Variants in ACTB observed in about 807,000 individuals in gnomAD.
ACTB encodes actin, cytoplasmic 1.
In ACTB, 2 loss-of-function variants were observed where a neutral mutation model predicts 30.5. The ratio of observed to expected loss-of-function variants is 0.07; its 90% CI spans 0.03 to 0.21. ACTB has a LOEUF of 0.21. Among genes scored for constraint, ACTB ranks in the 10% least tolerant of loss-of-function variants. The probability of loss-of-function intolerance (pLI) is 1.00; values close to 1 mark genes in which losing one functional copy is unlikely to be tolerated. For synonymous variants in ACTB, 335 were observed against 217.6 expected, an observed-to-expected ratio of 1.54 and a Z score of -4.75; for missense variants, 56 against 530.0, an observed-to-expected ratio of 0.11 and a Z score of 8.78.
Position 5,528,030 on chromosome 7 carries a change from G to A in ACTB, c.958C>T (p.Leu320=), listed in dbSNP as rs1447568601. Residue 320 remains leucine, a synonymous_variant, in exon 5 of 6, where the codon CTG becomes TTG. Coordinates refer to ENST00000646664, the MANE Select transcript of ACTB (RefSeq NM_001101.5). ...ADRMQKEITA[L]APSTMKIKII... is the part of the protein sequence containing the mutation. ...TTGATCTTCATTGTGCTGGGTGCCA[G>A]GGCAGTGATCTCCTTCTGCATCCTG... 6.2e-7 allele frequency: 1 copy of A among 1,614,200 alleles called. No individual in the cohort carries two copies. The highest frequency in any genetic ancestry group is 8.5e-7 in the Non-Finnish European group (1 of 1,180,038).
intron 3 of ACTB, 103 bp downstream of exon 3, chr7:5,529,058 T>A (rs762414570): frequency 1.9e-6 from 3 of 1,611,110 alleles, no homozygotes; most frequent in African/African-American, 2.7e-5. Flanking sequence ...GAGAAGAGAG[T>A]CCTACGGAAA....
rs149428488 is a variant in ACTB, at chr7:5,528,223, C to T, written c.803-38G>A. ...TGAGGGCAGGACTTAGCTTCCACAG[C>T]ACAGCCCCGAGGGGTAACCCTCATG... On this transcript the variant is annotated intron_variant, in intron 4 of 5. Coordinates refer to ENST00000646664, the MANE Select transcript of ACTB (RefSeq NM_001101.5). The T allele has an allele frequency of 1.4e-4, 232 of 1,613,868 alleles. 3 individuals are homozygous for T. The Middle Eastern group carries it at 6.1e-3, about 42-fold the overall frequency.
intron 3 of ACTB, 75 bp from the exon 4 acceptor site, chr7:5,528,794 A>G: frequency 6.5e-7 from 1 of 1,548,938 alleles, no homozygotes; most frequent in Non-Finnish European, 8.9e-7. Context: ...GGACATGCAG[A>G]AAGTGCAAAG....
rs13447398 is a variant in ACTB, at chr7:5,529,356, G to A, written c.168C>T (p.Asp56=). 502 of 1,614,052 alleles carry A rather than the reference G, an allele frequency of 3.1e-4. 1 individual carries two copies. The African/African-American group carries it at 4.8e-3, about 15-fold the overall frequency. The change falls in exon 3 of 6, where the codon GAC becomes GAT. Residue 56 remains aspartate, a synonymous_variant. Transcript: ENST00000646664. ...GMGQKDSYVG[D]EAQSKRGILT... ...GGATGCCTCTCTTGCTCTGGGCCTC[G>A]TCGCCCACATAGGAATCCTTCTGAC... is the stretch of plus-strand genomic sequence containing the variant.
At chr7:5,528,986 A>G in intron 3 of ACTB, 175 bp downstream of exon 3, 1 of 1,586,790 alleles carries the variant, frequency 6.3e-7, no homozygotes, top group Non-Finnish European at 8.6e-7. Flanking sequence ...AAACACCAGA[A>G]AAAGAGCTCA....
chr7:5,527,507 A>T lies in ACTB; in HGVS notation c.*241T>A. On this transcript the variant is annotated 3_prime_UTR_variant, in exon 6 of 6. Coordinates refer to ENST00000646664, the MANE Select transcript of ACTB (RefSeq NM_001101.5). ...GCATCTCATATTTGGAATGACTATT[A>T]AAAAAACAACAATGTGCAATCAAAG... 1 of 648,638 alleles carries T rather than the reference A, an allele frequency of 1.5e-6. No homozygotes were observed. The highest frequency in any genetic ancestry group is 2.6e-6 in the Non-Finnish European group (1 of 386,668). The allele number at this position is 648,638 out of a possible 1,614,324, so 40.2% of individuals were successfully genotyped here. A position where few individuals can be genotyped will look rare whatever the true frequency, so the allele number is the denominator to read the frequency against.
At chr7:5,528,893 A>G in intron 3 of ACTB, 174 bp from the exon 4 acceptor site, 1 of 1,424,852 alleles carries the variant, frequency 7.0e-7, no homozygotes, top group South Asian at 1.2e-5. Flanking sequence ...AGGCCGCTTT[A>G]CACCAGCCTC....
rs752744378 is a variant in ACTB, at chr7:5,529,311, G to A, written c.213C>T (p.Ile71=). Residue 71 remains isoleucine (I), a synonymous_variant, in exon 3 of 6, where the codon ATC becomes ATT. Transcript: ENST00000646664. ...CCCAGTTGGTGACGATGCCGTGCTC[G>A]ATGGGGTACTTCAGGGTGAGGATGC... ...KRGILTLKYP[I]EHGIVTNWDD... 10 of 1,613,936 alleles carry A rather than the reference G, an allele frequency of 6.2e-6. No homozygotes were observed. Among genetic ancestry groups the A allele is most frequent in the African/African-American group, 1.3e-5 (1 of 74,946 alleles).
In ACTB at chr7:5,527,909, C is replaced by T. The variant is rs1407820772; in HGVS notation, c.985-18G>A. 1 of 1,613,058 alleles carries T rather than the reference C, an allele frequency of 6.2e-7. No individual in the cohort carries two copies. The highest frequency in any genetic ancestry group is 1.1e-5 in the South Asian group (1 of 91,052). ...GCAATGATCTGAGGAGGGAAGGGGA[C>T]AGGCAGTGAGGACCCTGGATGTGAC... On this transcript the variant is annotated intron_variant, in intron 5 of 5. Coordinates refer to ENST00000646664, the MANE Select transcript of ACTB (RefSeq NM_001101.5).
rs762131422 is a variant in ACTB, at chr7:5,528,734, T to G, written c.364-15A>C. 6.2e-7 allele frequency: 1 copy of G among 1,612,400 alleles called. No homozygotes were observed. The highest frequency in any genetic ancestry group is 8.5e-7 in the Non-Finnish European group (1 of 1,179,218). On this transcript the variant is annotated splice_polypyrimidine_tract_variant and intron_variant, in intron 3 of 5. Transcript: ENST00000646664. ...TCAAACATGATCTGTAAGGCAGAGATACACCATGTCACACTGGGGAAGCCA... is the reference window on the plus strand; with the variant it reads ...TCAAACATGATCTGTAAGGCAGAGAGACACCATGTCACACTGGGGAAGCCA...
At position 5,527,459 on chromosome 7, in the gene ACTB, G is replaced by T. The variant is rs1207559049; in HGVS notation, c.*289C>A. ...AGAGAAGTGGGGTGGCTTTTAGGATGGCAAGGGACTTCCTGTAACAACGCA... is the reference window on the plus strand; with the variant it reads ...AGAGAAGTGGGGTGGCTTTTAGGATTGCAAGGGACTTCCTGTAACAACGCA... On this transcript the variant is annotated 3_prime_UTR_variant, in exon 6 of 6. Transcript: ENST00000646664. 9.8e-6 allele frequency: 5 copies of T among 508,806 alleles called. No individual in the cohort carries two copies. The highest frequency in any genetic ancestry group is 1.9e-5 in the African/African-American group (1 of 51,668). 31.5% of individuals were successfully genotyped at this position (508,806 alleles called of 1,614,324 possible). A position where few individuals can be genotyped will look rare whatever the true frequency, so the allele number is the denominator to read the frequency against.
At chr7:5,529,721 G>A (rs1158921278) in intron 1 of ACTB, 58 bp from the exon 2 acceptor site, 1 of 1,608,066 alleles carries the variant, frequency 6.2e-7, no homozygotes, top group Non-Finnish European at 8.5e-7. Flanking sequence ...GGCCACTTCC[G>A]GCGCGCCGAG....
Position 5,528,309 on chromosome 7 carries a change from A to G in ACTB, c.774T>C (p.Pro258=), listed in dbSNP as rs1253714549. Residue 258 remains proline, a synonymous_variant, in exon 4 of 6, where the codon CCT becomes CCC. Transcript: ENST00000646664. ...GGAAGGAAGGCTGGAAGAGTGCCTC[A>G]GGGCAGCGGAACCGCTCATTGCCAA... The part of the protein sequence containing the change: ...ITIGNERFRC[P]EALFQPSFLG... 1.3e-5 allele frequency: 21 copies of G among 1,614,220 alleles called. No homozygotes were observed. The highest frequency in any genetic ancestry group is 1.8e-5 in the Non-Finnish European group (21 of 1,180,046).
intron 3 of ACTB, 62 bp from the exon 4 acceptor site, chr7:5,528,781 G>C: frequency 5.1e-6 from 8 of 1,575,656 alleles, no homozygotes; most frequent in Non-Finnish European, 7.0e-6. Context: ...CAGGCCAGAC[G>C]GGGGACATGC....
intron 1 of ACTB, among the ~76,000 whole-genome samples, chr7:5,530,133 G>A (rs1490303963): frequency 1.3e-5 from 2 of 151,900 alleles, no homozygotes; most frequent in Non-Finnish European, 2.9e-5. Context: ...CCAATTCCCA[G>A]CGCGCACGCA....
At chr7:5,529,822 T>A (rs1463157527) in intron 1 of ACTB, 159 bp from the exon 2 acceptor site, 1 of 1,207,590 alleles carries the variant, frequency 8.3e-7, no homozygotes, top group Non-Finnish European at 1.2e-6. Context: ...AGGCAAACAC[T>A]GGTCGGAGGC....
At position 5,529,000 on chromosome 7, in the gene ACTB, G is replaced by T. The variant is rs761955660; in HGVS notation, c.363+161C>A. ...CAAACACCAGAAAAAGAGCTCATCT[G>T]GGAAAAAGCAAATAGAACCTGCAGA... On this transcript the variant is annotated intron_variant, in intron 3 of 5. Transcript: ENST00000646664. The T allele has an allele frequency of 2.5e-6, 4 of 1,601,514 alleles. No individual in the cohort carries two copies. The South Asian group carries it at 4.5e-5, about 18-fold the overall frequency.
rs1173338880 is a variant in ACTB, at chr7:5,528,315, G to A, written c.768C>T (p.Arg256=). Residue 256 remains arginine (R), a synonymous_variant, in exon 4 of 6, where the codon CGC becomes CGT. Coordinates refer to ENST00000646664, the MANE Select transcript of ACTB (RefSeq NM_001101.5). ...AAGGCTGGAAGAGTGCCTCAGGGCA[G>A]CGGAACCGCTCATTGCCAATGGTGA... ...QVITIGNERF[R]CPEALFQPSF... is the part of the protein sequence containing the mutation. The A allele has an allele frequency of 1.2e-6, 2 of 1,614,066 alleles. No homozygotes were observed. The highest frequency in any genetic ancestry group is 2.7e-5 in the African/African-American group (2 of 74,942).
chr7:5,530,311 C>G (rs1415516986), intron 1 of ACTB, among the ~76,000 whole-genome samples: 1 of 152,002 alleles, frequency 6.6e-6, no homozygotes, highest in African/African-American at 2.4e-5. Context: ...CGGAGCGCGC[C>G]TCCCGAGCGC....
Sources: gnomAD v4.1 joint callset for allele counts (sites outside exome capture counted in the v4.1 genomes callset) on GRCh38, gnomAD v4.1.1 for gene constraint, MANE v1.5 for transcripts, NCBI Gene and HGNC (gene_info 2026-07-23, HGNC 2026-07-21) for gene names.